FMNL1: variants seen among roughly 807,000 people sequenced by gnomAD.
The protein encoded by FMNL1 is formin-like protein 1.
FMNL1 carries 43 observed loss-of-function variants against 121.3 expected under a neutral mutation model. The ratio of observed to expected loss-of-function variants is 0.35; its 90% CI spans 0.28 to 0.46. The LOEUF is 0.46. Among genes scored for constraint, FMNL1 ranks in the 20% least tolerant of loss-of-function variants. The pLI, the probability that FMNL1 is intolerant of heterozygous loss-of-function variation, is 1.00. For synonymous variants in FMNL1, 613 were observed against 613.5 expected (o/e 1.00, Z 0.01); for missense variants, 1,191 against 1,482.4 (o/e 0.80, Z 3.23).
At chr17:45,223,865 A>G (rs1259055051) in intron 1 of FMNL1, among the ~76,000 whole-genome samples, 1 of 152,170 alleles carries the variant, frequency 6.6e-6, no homozygotes, top group African/African-American at 2.4e-5. Context: ...GAGCCCTGTG[A>G]ATAATTCAGA....
In FMNL1 at chr17:45,222,220, C is replaced by A; in HGVS notation, c.96C>A (p.Ala32=). The stretch of plus-strand genomic sequence containing the variant: ...CTCCCAAGCAGCCGATGCCCGCGGC[C>A]GGAGAGCTGGAGGAGAGGTTCAACC... ...PAPPKQPMPA[A]GELEERFNRA... The change falls in exon 1 of 27, where the codon GCC becomes GCA. Residue 32 remains alanine (A), a synonymous_variant. Transcript: ENST00000331495. 1 of 1,255,288 alleles carries A rather than the reference C, an allele frequency of 8.0e-7. No individual in the cohort carries two copies. The highest frequency in any genetic ancestry group is 2.5e-5 in the South Asian group (1 of 39,808). 77.8% of individuals were successfully genotyped at this position (1,255,288 alleles called of 1,614,324 possible).
At chr17:45,238,516 T>G in intron 9 of FMNL1, 48 bp from the exon 10 acceptor site, 1 of 1,603,942 alleles carries the variant, frequency 6.2e-7, no homozygotes, top group Non-Finnish European at 8.5e-7. Context: ...GAAGGTAGCT[T>G]AGGACGTGTG....
chr17:45,245,429 T>A lies in FMNL1; in HGVS notation c.2892+13T>A. 2 of 1,614,008 alleles carry A rather than the reference T, an allele frequency of 1.2e-6. No individual in the cohort carries two copies. Among genetic ancestry groups the A allele is most frequent in the South Asian group, 2.2e-5 (2 of 91,074 alleles). On this transcript the variant is annotated intron_variant, in intron 22 of 26. Coordinates refer to ENST00000331495, the MANE Select transcript of FMNL1 (RefSeq NM_005892.4). Reference sequence around the variant, plus strand: ...CAAGACGGCTCAGGTGCGCCAGGGCTGGCCTCACCTGGAGGTGGGGCATGT... The same window carrying A: ...CAAGACGGCTCAGGTGCGCCAGGGCAGGCCTCACCTGGAGGTGGGGCATGT...
chr17:45,233,286 C>G lies in FMNL1; in HGVS notation c.390C>G (p.Thr130=), dbSNP rs905880453. The G allele has an allele frequency of 2.4e-5, 38 of 1,560,138 alleles. No individual in the cohort carries two copies. The highest frequency in any genetic ancestry group is 2.9e-5 in the Non-Finnish European group (33 of 1,152,502). ...VLRELETSLR[T]NHIGWVQEFL... ...GGGAGCTGGAGACCTCCCTGAGGAC[C>G]AACCACATTGGGTGAGTGAGGGCTC... Residue 130 remains threonine (T), a synonymous_variant, in exon 4 of 27, where the codon ACC becomes ACG. Transcript: ENST00000331495. This position sits in a 1 kb window ranked among gnomAD's most constrained non-coding sequence, Gnocchi z 4.1.
At chr17:45,243,459 C>T in intron 17 of FMNL1, 139 bp downstream of exon 17, 1 of 1,066,520 alleles carries the variant, frequency 9.4e-7, no homozygotes, top group Non-Finnish European at 1.3e-6. Flanking sequence ...GGAAACTTGT[C>T]CCCATTTTAA....
rs1274890491 is a variant in FMNL1, at chr17:45,244,213, A to G, written c.2486A>G (p.Lys829Arg). 6.2e-7 allele frequency: 1 copy of G among 1,612,994 alleles called. No individual in the cohort carries two copies. The highest frequency in any genetic ancestry group is 8.5e-7 in the Non-Finnish European group (1 of 1,179,604). ...NAIIAASMSI[K>R]SSDKLRQILE... ...ATCATTGCAGCCTCAATGTCCATCAAGTCCTCTGACAAACTCCGCCAGATC... is the reference window on the plus strand; with the variant it reads ...ATCATTGCAGCCTCAATGTCCATCAGGTCCTCTGACAAACTCCGCCAGATC... The change falls in exon 19 of 27, where the codon AAG (lysine) becomes AGG (arginine). Residue 829 changes from lysine to arginine, a missense_variant. By Grantham distance (26) the Lys-to-Arg change is conservative. Around this residue, in one of 4 missense-constraint regions of FMNL1, gnomAD observed 367 missense variants for 528.6 expected, o/e 0.69. Coordinates refer to ENST00000331495, the MANE Select transcript of FMNL1 (RefSeq NM_005892.4).
chr17:45,244,065 G>T, intron 18 of FMNL1, 40 bp downstream of exon 18: 2 of 1,599,408 alleles, frequency 1.3e-6, no homozygotes, highest in Non-Finnish European at 8.5e-7. Flanking sequence ...CTTGGGAGGG[G>T]ATGGGCAGGA....
rs2043433206 is a variant in FMNL1, at chr17:45,231,328, G to A, written c.213+641G>A. 6.6e-6 allele frequency: 1 copy of A among 151,274 alleles called. No homozygotes were observed. Among genetic ancestry groups the A allele is most frequent in the South Asian group, 2.1e-4 (1 of 4,840 alleles). 9.4% of individuals were successfully genotyped at this position (151,274 alleles called of 1,614,324 possible). A position where few individuals can be genotyped will look rare whatever the true frequency, so the allele number is the denominator to read the frequency against. On this transcript the variant is annotated intron_variant, in intron 2 of 26. Transcript: ENST00000331495. The surrounding 1 kb of genome is among the most constrained non-coding windows in gnomAD (Gnocchi z 4.7). ...GATTCTGTGAAGGAGGGAGGCTGCA[G>A]AGGCTGGGGGTGGGGAGTTGGGAGC...
At chr17:45,222,740 C>T (rs1197943791) in intron 1 of FMNL1, among the ~76,000 whole-genome samples, 1 of 152,124 alleles carries the variant, frequency 6.6e-6, no homozygotes, top group Non-Finnish European at 1.5e-5. Flanking sequence ...ATGGGGTTGT[C>T]GGATCATGGC....
rs1167056405 is a variant in FMNL1 at position 45,233,135 on chromosome 17, G to T, written c.328-89G>T. 7.5e-7 allele frequency: 1 copy of T among 1,331,512 alleles called. No homozygotes were observed. Among genetic ancestry groups the T allele is most frequent in the East Asian group, 2.5e-5 (1 of 39,768 alleles). The allele number at this position is 1,331,512 out of a possible 1,614,324, so 82.5% of individuals were successfully genotyped here. A position where few individuals can be genotyped will look rare whatever the true frequency, so the allele number is the denominator to read the frequency against. On this transcript the variant is annotated intron_variant, in intron 3 of 26. Coordinates refer to ENST00000331495, the MANE Select transcript of FMNL1 (RefSeq NM_005892.4). This position sits in a 1 kb window ranked among gnomAD's most constrained non-coding sequence, Gnocchi z 4.1. Reference sequence around the variant, plus strand: ...GGCCACTTGTGCCAGTTGGAGGAGGGTGGGCGCTGCTGCCTGCTGCCTCAG... The same window carrying T: ...GGCCACTTGTGCCAGTTGGAGGAGGTTGGGCGCTGCTGCCTGCTGCCTCAG...
chr17:45,236,280 C>A, intron 7 of FMNL1, 36 bp downstream of exon 7: 1 of 1,555,806 alleles, frequency 6.4e-7, no homozygotes. Flanking sequence ...GACTAGGGAG[C>A]CCAGCCTGTC....
At position 45,241,814 on chromosome 17, in the gene FMNL1, C is replaced by A. The variant is rs2043704119; in HGVS notation, c.1586-33C>A. ...CCACCCAAGTCAAGGAGCTGACTCG[C>A]GCCTCCCCCACGCCGCGCCCTCGCT... On this transcript the variant is annotated intron_variant, in intron 14 of 26. Coordinates refer to ENST00000331495, the MANE Select transcript of FMNL1 (RefSeq NM_005892.4). The surrounding 1 kb of genome is among the most constrained non-coding windows in gnomAD (Gnocchi z 7.0). 3 of 1,406,682 alleles carry A rather than the reference C, an allele frequency of 2.1e-6. No individual in the cohort carries two copies. Among genetic ancestry groups the A allele is most frequent in the Admixed American group, 3.2e-5 (1 of 30,882 alleles). 87.1% of individuals were successfully genotyped at this position (1,406,682 alleles called of 1,614,324 possible). A position where few individuals can be genotyped will look rare whatever the true frequency, so the allele number is the denominator to read the frequency against.
chr17:45,223,824 C>A (rs1004328641), intron 1 of FMNL1, among the ~76,000 whole-genome samples: 17 of 152,140 alleles, frequency 1.1e-4, no homozygotes, highest in Admixed American at 7.9e-4. Flanking sequence ...GGTCCTGACC[C>A]CAATCTTCTG....
chr17:45,224,650 C>A (rs2043296956), intron 1 of FMNL1, among the ~76,000 whole-genome samples: 1 of 152,218 alleles, frequency 6.6e-6, no homozygotes. Flanking sequence ...TGAGGGGTGT[C>A]CCCACTTACA....
Position 45,246,527 on chromosome 17 carries a change from G to A in FMNL1, c.3234G>A (p.Thr1078=). Residue 1078 remains threonine (T), a synonymous_variant, in exon 26 of 27, where the codon ACG becomes ACA. Coordinates refer to ENST00000331495, the MANE Select transcript of FMNL1 (RefSeq NM_005892.4). ...CAGTGATCAAGACGGTGCCCTTCAC[G>A]GCCCGCACCGGCAAGCGGACATCCC... ...IITVIKTVPF[T]ARTGKRTSRL... The A allele has an allele frequency of 1.9e-6, 3 of 1,613,944 alleles. No homozygotes were observed. The highest frequency in any genetic ancestry group is 1.3e-5 in the African/African-American group (1 of 74,980).
chr17:45,233,418 T>C lies in FMNL1; in HGVS notation c.401+121T>C. 1 of 1,117,374 alleles carries C rather than the reference T, an allele frequency of 8.9e-7. No individual in the cohort carries two copies. The highest frequency in any genetic ancestry group is 1.3e-6 in the Non-Finnish European group (1 of 789,186). 69.2% of individuals were successfully genotyped at this position (1,117,374 alleles called of 1,614,324 possible). Reference sequence around the variant, plus strand: ...CACAAGGCTGTGCTTGTGGACCACCTCCTGGAGGTGTCCAGGACAGCTTCC... The same window carrying C: ...CACAAGGCTGTGCTTGTGGACCACCCCCTGGAGGTGTCCAGGACAGCTTCC... On this transcript the variant is annotated intron_variant, in intron 4 of 26. Coordinates refer to ENST00000331495, the MANE Select transcript of FMNL1 (RefSeq NM_005892.4). The surrounding 1 kb of genome is among the most constrained non-coding windows in gnomAD (Gnocchi z 4.1).
intron 2 of FMNL1, 62 bp from the exon 3 acceptor site, chr17:45,232,305 C>A: frequency 6.8e-7 from 1 of 1,470,092 alleles, no homozygotes; most frequent in Non-Finnish European, 9.5e-7. Flanking sequence ...GGGACGAGAA[C>A]TGGTCATTTG....
intron 6 of FMNL1, 179 bp downstream of exon 6, chr17:45,234,379 G>A: frequency 9.5e-7 from 1 of 1,048,930 alleles, no homozygotes; most frequent in Non-Finnish European, 1.4e-6. Flanking sequence ...GCCATCAGGG[G>A]TGGGGCTGGG....
intron 2 of FMNL1, 99 bp downstream of exon 2, chr17:45,230,786 C>G (rs2143297540): frequency 1.5e-6 from 2 of 1,296,202 alleles, no homozygotes; most frequent in Middle Eastern, 1.9e-4. Flanking sequence ...GCCATACTGC[C>G]CATGGAGCCA....
Sources: allele counts gnomAD v4.1 joint callset (sites outside exome capture counted in the v4.1 genomes callset), GRCh38; gene constraint gnomAD v4.1.1; regional missense constraint gnomAD v4.1.1; non-coding constraint Gnocchi (gnomAD v3.1); transcripts MANE v1.5; gene names NCBI Gene and HGNC (gene_info 2026-07-23, HGNC 2026-07-21).